The following DGKB variants were observed in gnomAD, a reference collection of about 807,000 sequenced individuals.
DGKB encodes 90 kDa diacylglycerol kinase.
A neutral mutation model predicts 114.3 loss-of-function variants in DGKB; 67 were observed. That is an observed-to-expected ratio of 0.59 (90% CI 0.48 to 0.72). DGKB has a LOEUF of 0.72. Ranked by LOEUF, DGKB falls within the 30% of genes least tolerant of loss-of-function variation. DGKB has a pLI of 0.00. For synonymous variants in DGKB, 398 were observed against 323.1 expected (o/e 1.23, Z -2.49); for missense variants, 907 against 975.2 (o/e 0.93, Z 0.93).
intron 23 of DGKB, among the ~76,000 whole-genome samples, chr7:14,312,383 C>T (rs1361274043): frequency 6.6e-6 from 1 of 152,178 alleles, no homozygotes; most frequent in Non-Finnish European, 1.5e-5. Flanking sequence ...TGAAGCAAAA[C>T]AATGTTGTAT....
intron 20 of DGKB, among the ~76,000 whole-genome samples, chr7:14,559,706 A>G (rs1215170596): frequency 1.3e-5 from 2 of 152,222 alleles, no homozygotes; most frequent in Admixed American, 6.5e-5. Flanking sequence ...TTGCCTAATC[A>G]CAATACTAAA....
intron 22 of DGKB, among the ~76,000 whole-genome samples, chr7:14,340,485 G>A (rs1811434416): frequency 6.6e-6 from 1 of 151,370 alleles, no homozygotes; most frequent in Non-Finnish European, 1.5e-5. Flanking sequence ...ACAAGCAGCA[G>A]TAACAACAAA....
At chr7:14,836,874 T>C (rs1847237587) in intron 2 of DGKB, among the ~76,000 whole-genome samples, 1 of 152,208 alleles carries the variant, frequency 6.6e-6, no homozygotes, top group African/African-American at 2.4e-5. Context: ...GAGTCTAATC[T>C]AGTGGAAGAA....
chr7:14,821,643 G>C (rs894644177), intron 2 of DGKB, among the ~76,000 whole-genome samples: 3 of 152,216 alleles, frequency 2.0e-5, no homozygotes, highest in Non-Finnish European at 4.4e-5. Flanking sequence ...AGGTGGGCCA[G>C]AGAACATCCA....
At chr7:14,679,669 T>C (rs1172087965) in intron 12 of DGKB, among the ~76,000 whole-genome samples, 4 of 152,030 alleles carry the variant, frequency 2.6e-5, no homozygotes, top group African/African-American at 9.7e-5. Flanking sequence ...TTCTGCTAGC[T>C]CTTTGTTATG....
chr7:14,823,528 A>G (rs1038678585), intron 2 of DGKB, among the ~76,000 whole-genome samples: 4 of 152,186 alleles, frequency 2.6e-5, no homozygotes, highest in Non-Finnish European at 5.9e-5. Context: ...TGAGAGAACT[A>G]ATTGAAAGAG....
At chr7:14,555,861 T>C (rs1795793783) in intron 20 of DGKB, among the ~76,000 whole-genome samples, 1 of 152,100 alleles carries the variant, frequency 6.6e-6, no homozygotes, top group African/African-American at 2.4e-5. Flanking sequence ...GGAAGTTACT[T>C]TGAAGGGTCT....
intron 21 of DGKB, among the ~76,000 whole-genome samples, chr7:14,454,010 A>G (rs1477340861): frequency 6.6e-6 from 1 of 152,076 alleles, no homozygotes; most frequent in East Asian, 1.9e-4. Flanking sequence ...TTTGTATTAT[A>G]TCTTATTGAT....
intron 23 of DGKB, among the ~76,000 whole-genome samples, chr7:14,225,895 A>ATTTAATT (rs1790731757): frequency 6.6e-6 from 1 of 151,966 alleles, no homozygotes; most frequent in South Asian, 2.1e-4. Context: ...AATTTAGACC[A>ATTTAATT]TTTAATTTTA....
chr7:14,740,338 T>C (rs1024873552), intron 4 of DGKB, among the ~76,000 whole-genome samples: 9 of 152,020 alleles, frequency 5.9e-5, no homozygotes, highest in African/African-American at 2.2e-4. Context: ...CCACAGTTGA[T>C]TTTGCACCAA....
At chr7:14,840,785 C>T (rs1339527812) in intron 2 of DGKB, among the ~76,000 whole-genome samples, 1 of 151,068 alleles carries the variant, frequency 6.6e-6, no homozygotes, top group Non-Finnish European at 1.5e-5. Context: ...ATGAGTCAGA[C>T]CATACTGTCT....
At position 14,436,938 on chromosome 7, in the gene DGKB, A is replaced by G. The variant is rs183332343; in HGVS notation, c.1835+41223T>C. ...TTATTAAAAACTATATTATAGTTAAAATGCTTTCCTAGTATCCATTAATTA... is the reference window on the plus strand; with the variant it reads ...TTATTAAAAACTATATTATAGTTAAGATGCTTTCCTAGTATCCATTAATTA... On this transcript the variant is annotated intron_variant, in intron 21 of 25. Transcript: ENST00000402815. 4.3e-3 allele frequency among the ~76,000 whole-genome samples: 656 copies of G among 152,228 alleles called. 7 individuals are homozygous for G. The highest frequency in any genetic ancestry group is 0.015 in the African/African-American group (629 of 41,570).
intron 4 of DGKB, among the ~76,000 whole-genome samples, chr7:14,743,050 GT>G (rs1377784058): frequency 6.6e-6 from 1 of 152,078 alleles, no homozygotes; most frequent in Admixed American, 6.5e-5. Flanking sequence ...GCACAACAAG[GT>G]TTTCTTAAGG....
At chr7:14,235,213 C>T (rs113506514) in intron 23 of DGKB, among the ~76,000 whole-genome samples, 24 of 152,126 alleles carry the variant, frequency 1.6e-4, no homozygotes, top group African/African-American at 4.8e-4. Context: ...GTCACATCTG[C>T]GGAGCCAAGA....
At chr7:14,365,276 T>C (rs1245512902) in intron 21 of DGKB, among the ~76,000 whole-genome samples, 1 of 152,106 alleles carries the variant, frequency 6.6e-6, no homozygotes. Context: ...CAAGTCTTAA[T>C]GCAGTAGAAT....
At chr7:14,408,255 C>G (rs1237701459) in intron 21 of DGKB, among the ~76,000 whole-genome samples, 1 of 151,802 alleles carries the variant, frequency 6.6e-6, no homozygotes, top group East Asian at 1.9e-4. Flanking sequence ...ATTAATAAAC[C>G]CTAGGTGTTG....
chr7:14,632,894 G>A (rs1810018518), intron 13 of DGKB, among the ~76,000 whole-genome samples: 1 of 151,916 alleles, frequency 6.6e-6, no homozygotes, highest in Admixed American at 6.6e-5. Context: ...TTTTCCAAAT[G>A]TGTTCCTTTT....
At chr7:14,275,205 ATTGTT>A (rs1361940941) in intron 23 of DGKB, among the ~76,000 whole-genome samples, 1 of 151,934 alleles carries the variant, frequency 6.6e-6, no homozygotes, top group Non-Finnish European at 1.5e-5. Context: ...TTTGCTTTGT[ATTGTT>A]TTGTTTTTAA....
intron 13 of DGKB, among the ~76,000 whole-genome samples, chr7:14,660,426 A>G (rs1231559467): frequency 6.6e-6 from 1 of 151,416 alleles, no homozygotes; most frequent in Non-Finnish European, 1.5e-5. Context: ...TTATTGGTCT[A>G]TTCTTCCTGG....
Sources: gnomAD v4.1 joint callset for allele counts (sites outside exome capture counted in the v4.1 genomes callset) on GRCh38, gnomAD v4.1.1 for gene constraint, MANE v1.5 for transcripts, NCBI Gene and HGNC (gene_info 2026-07-23, HGNC 2026-07-21) for gene names.